ALMS1: variants seen among roughly 807,000 people sequenced by gnomAD.
ALMS1 encodes the protein ALMS1 centrosome and basal body associated protein, also known as centrosome-associated protein ALMS1.
ALMS1 carries 271 observed loss-of-function variants against 352.2 expected under a neutral mutation model. The ratio of observed to expected loss-of-function variants is 0.77; its 90% confidence interval spans 0.70 to 0.85. ALMS1 has a LOEUF of 0.85. Ranked by LOEUF, ALMS1 falls within the 40% of genes least tolerant of loss-of-function variation. ALMS1 has a pLI of 0.00. For synonymous variants in ALMS1, 1,865 were observed against 1,761.2 expected (o/e 1.06, Z -1.48); for missense variants, 5,445 against 4,870.7 (o/e 1.12, Z -3.51).
At chr2:73,515,790 C>CACACAG (rs1378237362) in intron 10 of ALMS1, among the ~76,000 whole-genome samples, 2 of 151,616 alleles carry the variant, frequency 1.3e-5, no homozygotes, top group Non-Finnish European at 2.9e-5. Flanking sequence ...CACACACACA[C>CACACAG]ACACACACAC....
chr2:73,569,108 G>A (rs1293519160), intron 15 of ALMS1, among the ~76,000 whole-genome samples: 1 of 133,200 alleles, frequency 7.5e-6, no homozygotes. Flanking sequence ...TCCACCTTTT[G>A]GATTTAAGCA....
chr2:73,573,578 G>A (rs1674991353), intron 16 of ALMS1, 154 bp downstream of exon 16: 1 of 775,048 alleles, frequency 1.3e-6, no homozygotes, highest in South Asian at 1.5e-5. Context: ...GTGTAGTACA[G>A]TGCTATTGTG....
At chr2:73,540,600 C>T (rs930499683) in intron 12 of ALMS1, among the ~76,000 whole-genome samples, 1 of 152,168 alleles carries the variant, frequency 6.6e-6, no homozygotes, top group Non-Finnish European at 1.5e-5. Flanking sequence ...AGAGTCAAGA[C>T]CCATCCGTGT....
At chr2:73,563,382 GAA>G (rs1171158512) in intron 15 of ALMS1, among the ~76,000 whole-genome samples, 6 of 152,012 alleles carry the variant, frequency 3.9e-5, no homozygotes, top group African/African-American at 1.5e-4. Flanking sequence ...TTCATAAAAC[GAA>G]AACCAGGAGC....
chr2:73,454,384 T>G, intron 8 of ALMS1: 1 of 984,740 alleles, frequency 1.0e-6, no homozygotes, highest in South Asian at 4.7e-5. Context: ...AAGAGGTCGC[T>G]TGGGCTCCTG....
At chr2:73,447,933 A>G (rs774286074) in intron 7 of ALMS1, 27 bp from the exon 8 acceptor site, 67 of 1,572,844 alleles carry the variant, frequency 4.3e-5, no homozygotes, top group Non-Finnish European at 5.5e-5. Flanking sequence ...AATTTTATAT[A>G]CTATTAACAA....
intron 1 of ALMS1, among the ~76,000 whole-genome samples, chr2:73,397,105 A>G (rs963350228): frequency 7.2e-5 from 11 of 152,218 alleles, no homozygotes; most frequent in Admixed American, 6.5e-4. Context: ...TTGTGGAGAT[A>G]AAACTTACAG....
At chr2:73,438,528 G>A (rs2901438) in intron 7 of ALMS1, among the ~76,000 whole-genome samples, 58,065 of 152,052 alleles carry the variant, frequency 0.38, 15,428 homozygotes, top group African/African-American at 0.76. Context: ...TTGATTTGTC[G>A]GGAGATCATT....
intron 10 of ALMS1, among the ~76,000 whole-genome samples, chr2:73,504,512 A>G (rs1673280744): frequency 6.6e-6 from 1 of 152,194 alleles, no homozygotes; most frequent in Non-Finnish European, 1.5e-5. Context: ...GGAATCCAAC[A>G]TGTTACATAG....
Position 73,453,434 on chromosome 2 carries a change from T to G in ALMS1, c.6907T>G (p.Phe2303Val). The change falls in exon 8 of 23, where the codon TTC (phenylalanine) becomes GTC (valine). Residue 2303 changes from phenylalanine to valine, a missense_variant. By Grantham distance (50) the Phe-to-Val change is conservative (BLOSUM62 -1). Transcript: ENST00000613296. ...SFIQSKKVVC[F>V]KEPSSTGVSN... ...TATACAATCTAAGAAGGTGGTTTGC[T>G]TCAAAGAACCCTCTTCCACGGGTGT... is the stretch of plus-strand genomic sequence containing the variant. The G allele has an allele frequency of 6.2e-7, 1 of 1,613,332 alleles. No homozygotes were observed. The highest frequency in any genetic ancestry group is 8.5e-7 in the Non-Finnish European group (1 of 1,179,562).
rs1491156476 is a variant in ALMS1, at chr2:73,576,625, T to TTTTTC, written c.11547+3205_11547+3206insCTTTT. Among the ~76,000 whole-genome samples the TTTTTC allele has an allele frequency of 7.9e-5, 5 of 63,664 alleles. No individual in the cohort carries two copies. The African/African-American group carries it at 1.4e-3, about 18-fold the overall frequency. 41.8% of individuals were successfully genotyped at this position (63,664 alleles called of 152,430 possible). A position where few individuals can be genotyped will look rare whatever the true frequency, so the allele number is the denominator to read the frequency against. ...TACTAGTTTTTTCTTTTTCTTTTTC[T>TTTTTC]TTTTTTTTTTTTGAGACAGAGTTTC... On this transcript the variant is annotated intron_variant, in intron 16 of 22. Transcript: ENST00000613296.
At chr2:73,541,798 C>A (rs1195649678) in intron 12 of ALMS1, among the ~76,000 whole-genome samples, 1 of 152,210 alleles carries the variant, frequency 6.6e-6, no homozygotes, top group Admixed American at 6.5e-5. Flanking sequence ...AACACATATA[C>A]CTTCCCAAGA....
rs1187121855 is a variant in ALMS1 at position 73,531,959 on chromosome 2, A to AT, written c.9782-2864dup. Among the ~76,000 whole-genome samples the AT allele has an allele frequency of 1.6e-4, 24 of 152,250 alleles. 1 individual carries two copies. Among genetic ancestry groups the AT allele is most frequent in the Admixed American group, 1.6e-3 (24 of 15,288 alleles). ...CCTCCCACCAGGTCTCTGCCTCAAC[A>AT]TATGGGGATTACAATTTGAGATGAC... On this transcript the variant is annotated intron_variant, in intron 11 of 22. Coordinates refer to ENST00000613296, the MANE Select transcript of ALMS1 (RefSeq NM_001378454.1).
intron 12 of ALMS1, among the ~76,000 whole-genome samples, chr2:73,540,210 G>A (rs1043744183): frequency 3.9e-5 from 6 of 152,186 alleles, no homozygotes; most frequent in Admixed American, 2.0e-4. Context: ...GTGGGGGCCA[G>A]TATTCAACAT....
At chr2:73,398,687 C>A (rs1670814157) in intron 1 of ALMS1, among the ~76,000 whole-genome samples, 1 of 152,054 alleles carries the variant, frequency 6.6e-6, no homozygotes, top group East Asian at 1.9e-4. Context: ...TATTTTATTT[C>A]TTGGGTTGTT....
At chr2:73,464,198 A>C (rs1215447157) in intron 9 of ALMS1, among the ~76,000 whole-genome samples, 3 of 152,216 alleles carry the variant, frequency 2.0e-5, no homozygotes, top group Admixed American at 2.0e-4. Flanking sequence ...AATCCTCAAT[A>C]AAATACTGGC....
intron 1 of ALMS1, among the ~76,000 whole-genome samples, chr2:73,386,817 A>G (rs892759207): frequency 6.6e-6 from 1 of 152,198 alleles, no homozygotes; most frequent in Non-Finnish European, 1.5e-5. Flanking sequence ...AGCCGATTTC[A>G]TGGTAGACCC....
At chr2:73,403,469 C>T (rs1310107905) in intron 1 of ALMS1, among the ~76,000 whole-genome samples, 1 of 152,072 alleles carries the variant, frequency 6.6e-6, no homozygotes, top group Non-Finnish European at 1.5e-5. Context: ...AAGTGTGCTT[C>T]CTCCAACTTT....
chr2:73,570,764 T>G (rs906716065), intron 15 of ALMS1, among the ~76,000 whole-genome samples: 1 of 152,204 alleles, frequency 6.6e-6, no homozygotes, highest in Middle Eastern at 3.4e-3. Context: ...AGAGGTGGTG[T>G]TGTCTCTGTA....
Sources: gnomAD v4.1 joint callset for allele counts (sites outside exome capture counted in the v4.1 genomes callset) on GRCh38, gnomAD v4.1.1 for gene constraint, MANE v1.5 for transcripts, NCBI Gene and HGNC (gene_info 2026-07-23, HGNC 2026-07-21) for gene names.